Variants in EIF2S1 observed in about 807,000 individuals in gnomAD.
The protein encoded by EIF2S1 is eukaryotic translation initiation factor 2 subunit alpha.
In EIF2S1, 5 loss-of-function variants were observed where a neutral mutation model predicts 33.5. The observed-to-expected ratio is 0.15, with a 90% confidence interval of 0.08 to 0.31. EIF2S1 has a LOEUF of 0.31. EIF2S1 is among the 10% of genes least tolerant of loss of function. The pLI, the probability that EIF2S1 is intolerant of heterozygous loss-of-function variation, is 1.00. For synonymous variants in EIF2S1, 99 were observed against 127.5 expected, an observed-to-expected ratio of 0.78 and a Z score of 1.51; for missense variants, 191 against 384.6, an observed-to-expected ratio of 0.50 and a Z score of 4.21.
chr14:67,384,417 C>T lies in EIF2S1; in HGVS notation c.*977C>T, dbSNP rs1390082450. ...TCATTTCTGTCTTTAAGAACTAATT[C>T]GTACATAATAAGTTTCATAGGTAAC... On this transcript the variant is annotated 3_prime_UTR_variant, in exon 8 of 8. Coordinates refer to ENST00000256383, the MANE Select transcript of EIF2S1 (RefSeq NM_004094.5). 1.3e-5 allele frequency: 2 copies of T among 149,002 alleles called. No individual in the cohort carries two copies. The highest frequency in any genetic ancestry group is 6.7e-5 in the Admixed American group (1 of 14,920). The allele number at this position is 149,002 out of a possible 1,614,324, so 9.2% of individuals were successfully genotyped here.
In EIF2S1 at chr14:67,369,484, A is replaced by G. The variant is rs116201707; in HGVS notation, c.241+4476A>G. On this transcript the variant is annotated intron_variant, in intron 2 of 7. Transcript: ENST00000256383. Reference sequence around the variant, plus strand: ...CAATGAAGACCTTGACTTGTTTGATACCTAGAACACTGCACCCAGAAAAGG... The same window carrying G: ...CAATGAAGACCTTGACTTGTTTGATGCCTAGAACACTGCACCCAGAAAAGG... Among the ~76,000 whole-genome samples, 761 of 152,380 alleles carry G rather than the reference A, an allele frequency of 5.0e-3. 7 individuals are homozygous for G. Among genetic ancestry groups the G allele is most frequent in the African/African-American group, 0.018 (728 of 41,590 alleles).
At chr14:67,363,147 A>T (rs1225826900) in intron 1 of EIF2S1, among the ~76,000 whole-genome samples, 1 of 152,078 alleles carries the variant, frequency 6.6e-6, no homozygotes, top group East Asian at 1.9e-4. Context: ...CCCAATTTGA[A>T]ACTTTTTAGC....
At chr14:67,376,796 T>C (rs2085859530) in intron 4 of EIF2S1, among the ~76,000 whole-genome samples, 1 of 152,208 alleles carries the variant, frequency 6.6e-6, no homozygotes, top group Non-Finnish European at 1.5e-5. Context: ...ATATGGTTTA[T>C]CTCACACATT....
At chr14:67,383,178 T>A in intron 7 of EIF2S1, 137 bp from the exon 8 acceptor site, 1 of 910,096 alleles carries the variant, frequency 1.1e-6, no homozygotes, top group Admixed American at 3.0e-5. Context: ...TGCTGATAAG[T>A]CACTCAAAAG....
At chr14:67,379,654 C>CTTTT (rs541791101) in intron 4 of EIF2S1, among the ~76,000 whole-genome samples, 5 of 119,952 alleles carry the variant, frequency 4.2e-5, no homozygotes, top group South Asian at 3.0e-4. Flanking sequence ...TTTTCTTTTT[C>CTTTT]TTTTTTTTTT....
At chr14:67,366,626 T>G (rs1361289839) in intron 2 of EIF2S1, among the ~76,000 whole-genome samples, 1 of 152,130 alleles carries the variant, frequency 6.6e-6, no homozygotes, top group African/African-American at 2.4e-5. Context: ...ATATGGAAGA[T>G]CTCCAGGATA....
intron 4 of EIF2S1, among the ~76,000 whole-genome samples, chr14:67,379,376 T>A (rs2085874017): frequency 6.6e-6 from 1 of 152,252 alleles, no homozygotes; most frequent in African/African-American, 2.4e-5. Context: ...TGCATACTCC[T>A]GATTGTTGGA....
intron 3 of EIF2S1, 41 bp from the exon 4 acceptor site, chr14:67,376,398 C>A: frequency 1.3e-6 from 2 of 1,526,404 alleles, no homozygotes; most frequent in Non-Finnish European, 1.8e-6. Flanking sequence ...TTTTATAAAT[C>A]TCTTATCTTT....
intron 2 of EIF2S1, 74 bp downstream of exon 2, chr14:67,365,082 T>G: frequency 7.0e-7 from 1 of 1,438,670 alleles, no homozygotes; most frequent in Non-Finnish European, 9.2e-7. Context: ...TTTTTGTAAA[T>G]TGCAAGCTGC....
chr14:67,383,302 T>G lies in EIF2S1; in HGVS notation c.823-13T>G. The G allele has an allele frequency of 6.2e-7, 1 of 1,612,210 alleles. No individual in the cohort carries two copies. The highest frequency in any genetic ancestry group is 8.5e-7 in the Non-Finnish European group (1 of 1,178,642). ...TACTACTTCAGTTTGAAATTATACCTCTGCTTCCACAGCCCAAAGTGGTCA... is the reference window on the plus strand; with the variant it reads ...TACTACTTCAGTTTGAAATTATACCGCTGCTTCCACAGCCCAAAGTGGTCA... On this transcript the variant is annotated splice_polypyrimidine_tract_variant and intron_variant, in intron 7 of 7. Coordinates refer to ENST00000256383, the MANE Select transcript of EIF2S1 (RefSeq NM_004094.5).
At position 67,360,380 on chromosome 14, in the gene EIF2S1, G is replaced by A. The variant is rs533445951; in HGVS notation, c.-78G>A. 1.5e-4 allele frequency: 58 copies of A among 396,266 alleles called. No homozygotes were observed. Among genetic ancestry groups the A allele is most frequent in the Non-Finnish European group, 2.4e-4 (53 of 225,076 alleles). The allele number at this position is 396,266 out of a possible 1,614,324, so 24.5% of individuals were successfully genotyped here. On this transcript the variant is annotated 5_prime_UTR_variant, in exon 1 of 8. Transcript: ENST00000256383. ...GCTGAGGAGGATCGGCGGCCGGTGA[G>A]GGGGAAGCAAGTCTGGTCTCTGTGA... is the stretch of plus-strand genomic sequence containing the variant.
chr14:67,382,206 C>T (rs1250702878), intron 6 of EIF2S1, among the ~76,000 whole-genome samples: 1 of 151,898 alleles, frequency 6.6e-6, no homozygotes, highest in East Asian at 1.9e-4. Context: ...TATTCAGTAT[C>T]GCAGTGAACT....
chr14:67,372,136 A>T (rs1419386571), intron 2 of EIF2S1, among the ~76,000 whole-genome samples: 1 of 152,198 alleles, frequency 6.6e-6, no homozygotes, highest in Non-Finnish European at 1.5e-5. Context: ...TAAAAAAAAA[A>T]TTAAAAAATT....
In EIF2S1 at chr14:67,383,568, A is replaced by G. The variant is rs769082094; in HGVS notation, c.*128A>G. 2.2e-5 allele frequency: 29 copies of G among 1,339,156 alleles called. No individual in the cohort carries two copies. The highest frequency in any genetic ancestry group is 2.9e-5 in the Non-Finnish European group (28 of 974,580). 83.0% of individuals were successfully genotyped at this position (1,339,156 alleles called of 1,614,324 possible). ...ATATTTTTTATTTCTAAGTATTTAA[A>G]TGTTCTAACAGATCAGAACATGAAA... On this transcript the variant is annotated 3_prime_UTR_variant, in exon 8 of 8. Transcript: ENST00000256383.
rs1374081909 is a variant in EIF2S1, at chr14:67,385,481, A to G, written c.*2041A>G. On this transcript the variant is annotated 3_prime_UTR_variant, in exon 8 of 8. Transcript: ENST00000256383. The stretch of plus-strand genomic sequence containing the variant: ...ACCAAAAATCTTGAATCTCCCATCA[A>G]AGCCTTTTCATTAAAAATACAATTT... 6.6e-6 allele frequency: 1 copy of G among 151,660 alleles called. No homozygotes were observed. The highest frequency in any genetic ancestry group is 1.5e-5 in the Non-Finnish European group (1 of 67,954). The allele number at this position is 151,660 out of a possible 1,614,324, so 9.4% of individuals were successfully genotyped here. A position where few individuals can be genotyped will look rare whatever the true frequency, so the allele number is the denominator to read the frequency against.
chr14:67,369,740 T>G (rs562228075), intron 2 of EIF2S1, among the ~76,000 whole-genome samples: 1 of 152,322 alleles, frequency 6.6e-6, no homozygotes, highest in East Asian at 1.9e-4. Context: ...AAGGGAAAAT[T>G]TATAGCTTTA....
intron 7 of EIF2S1, 53 bp downstream of exon 7, chr14:67,382,643 G>T (rs753943291): frequency 6.3e-7 from 1 of 1,592,902 alleles, no homozygotes; most frequent in South Asian, 1.1e-5. Flanking sequence ...CCTAAAAGGA[G>T]TTCTTGTAGG....
At chr14:67,382,884 G>A (rs1388852260) in intron 7 of EIF2S1, among the ~76,000 whole-genome samples, 2 of 151,146 alleles carry the variant, frequency 1.3e-5, no homozygotes, top group Non-Finnish European at 2.9e-5. Flanking sequence ...CAACAAGAAA[G>A]AAGTGTGTGT....
intron 6 of EIF2S1, 102 bp from the exon 7 acceptor site, chr14:67,382,345 G>C: frequency 9.3e-7 from 1 of 1,079,626 alleles, no homozygotes; most frequent in South Asian, 1.6e-5. Flanking sequence ...TTACGTTTTG[G>C]GGTGATTTGT....
Sources: gnomAD v4.1 joint callset for allele counts (sites outside exome capture counted in the v4.1 genomes callset) on GRCh38, gnomAD v4.1.1 for gene constraint, MANE v1.5 for transcripts, NCBI Gene and HGNC (gene_info 2026-07-23, HGNC 2026-07-21) for gene names.